The following PAG1 variants were observed in gnomAD, a reference collection of about 807,000 sequenced individuals.
The protein encoded by PAG1 is phosphoprotein membrane anchor with glycosphingolipid microdomains 1.
In PAG1, 23 loss-of-function variants were observed where a neutral mutation model predicts 31.7. That is an observed-to-expected ratio of 0.73 (90% CI 0.52 to 1.03). The LOEUF (loss-of-function observed/expected upper bound fraction) is 1.03. PAG1 is among the 50% of genes least tolerant of loss of function. PAG1 has a pLI of 0.00. For synonymous variants in PAG1, 214 were observed against 210.3 expected, an observed-to-expected ratio of 1.02 and a Z score of -0.15; for missense variants, 473 against 540.7, an observed-to-expected ratio of 0.87 and a Z score of 1.24.
At chr8:80,998,378 T>C (rs1057024938) in intron 3 of PAG1, among the ~76,000 whole-genome samples, 1 of 152,118 alleles carries the variant, frequency 6.6e-6, no homozygotes, top group Non-Finnish European at 1.5e-5. Context: ...TCCACCTGCC[T>C]CGGCCTCCCA....
Position 80,974,090 on chromosome 8 carries a change from G to C in PAG1, c.*2454C>G, listed in dbSNP as rs894065018. On this transcript the variant is annotated 3_prime_UTR_variant, in exon 9 of 9. Transcript: ENST00000220597. ...GCAGAACTAATATTTGAAAACTCTT[G>C]GGGGAAATTTTGGTAACAAAATTGC... is the stretch of plus-strand genomic sequence containing the variant. 5.3e-5 allele frequency: 8 copies of C among 151,436 alleles called. No homozygotes were observed. Among genetic ancestry groups the C allele is most frequent in the Non-Finnish European group, 1.0e-4 (7 of 67,934 alleles). 9.4% of individuals were successfully genotyped at this position (151,436 alleles called of 1,614,324 possible). A position where few individuals can be genotyped will look rare whatever the true frequency, so the allele number is the denominator to read the frequency against.
chr8:81,076,888 T>G (rs773267187), intron 1 of PAG1, among the ~76,000 whole-genome samples: 2 of 152,258 alleles, frequency 1.3e-5, no homozygotes, highest in Non-Finnish European at 2.9e-5. Context: ...AATATACTTT[T>G]GTAAAGCATG....
chr8:81,048,922 C>T (rs928310825), intron 2 of PAG1, among the ~76,000 whole-genome samples: 1 of 152,154 alleles, frequency 6.6e-6, no homozygotes, highest in Non-Finnish European at 1.5e-5. Flanking sequence ...ATTAATACAT[C>T]ATCAATTAAG....
chr8:81,085,972 GTTTTTT>G (rs869177030), intron 1 of PAG1, among the ~76,000 whole-genome samples: 16 of 58,904 alleles, frequency 2.7e-4, no homozygotes, highest in African/African-American at 9.4e-4. Context: ...AATCTGGCTT[GTTTTTT>G]TTTTTTTTTT....
Position 80,991,539 on chromosome 8 carries a change from A to G in PAG1, c.126-9T>C, listed in dbSNP as rs1232674903. The G allele has an allele frequency of 6.2e-7, 1 of 1,609,554 alleles. No individual in the cohort carries two copies. Among genetic ancestry groups the G allele is most frequent in the Admixed American group, 1.7e-5 (1 of 60,024 alleles). On this transcript the variant is annotated splice_polypyrimidine_tract_variant and intron_variant, in intron 4 of 8. Transcript: ENST00000220597. ...GTCGCGGCTTCTTTTCCCTGAAATG[A>G]AAAGTGAAATGTTGTAATGTCAAAT...
At chr8:81,096,470 T>C (rs1809529934) in intron 1 of PAG1, among the ~76,000 whole-genome samples, 1 of 152,222 alleles carries the variant, frequency 6.6e-6, no homozygotes, top group African/African-American at 2.4e-5. Context: ...TACAAAAAGA[T>C]GACAGCTCAA....
At chr8:80,993,536 G>GGCCCA (rs1486930317) in intron 3 of PAG1, among the ~76,000 whole-genome samples, 3 of 151,982 alleles carry the variant, frequency 2.0e-5, no homozygotes, top group South Asian at 2.1e-4. Context: ...ACAGCTGCCT[G>GGCCCA]GCCCAGTGTT....
intron 3 of PAG1, among the ~76,000 whole-genome samples, chr8:81,014,428 T>G (rs1006781007): frequency 6.6e-6 from 1 of 152,254 alleles, no homozygotes; most frequent in African/African-American, 2.4e-5. Context: ...CACTGAAGCC[T>G]TTCCAGAAAG....
chr8:81,005,496 T>A (rs2130623804), intron 3 of PAG1, among the ~76,000 whole-genome samples: 1 of 152,306 alleles, frequency 6.6e-6, no homozygotes, highest in South Asian at 2.1e-4. Context: ...TCAGTCATGC[T>A]CTTTGGAAGA....
chr8:81,052,175 C>A (rs1199966788), intron 2 of PAG1, among the ~76,000 whole-genome samples: 1 of 151,764 alleles, frequency 6.6e-6, no homozygotes, highest in African/African-American at 2.4e-5. Flanking sequence ...TTTTTATATC[C>A]TTAGTCACGT....
At chr8:80,986,048 T>C (rs1807413148) in intron 6 of PAG1, among the ~76,000 whole-genome samples, 1 of 152,164 alleles carries the variant, frequency 6.6e-6, no homozygotes, top group Non-Finnish European at 1.5e-5. Context: ...GTGTTGTGAG[T>C]GCCTGCCATG....
intron 2 of PAG1, among the ~76,000 whole-genome samples, chr8:81,035,413 T>C (rs112098179): frequency 3.9e-5 from 6 of 152,278 alleles, no homozygotes; most frequent in East Asian, 1.9e-4. Context: ...GAATGTGACA[T>C]AGTCATCCTA....
chr8:81,035,681 G>A (rs1407634212), intron 2 of PAG1, among the ~76,000 whole-genome samples: 1 of 152,150 alleles, frequency 6.6e-6, no homozygotes, highest in Non-Finnish European at 1.5e-5. Flanking sequence ...GAGATGTACT[G>A]GGGGCTGGCA....
chr8:81,103,284 C>T (rs746469158), intron 1 of PAG1, among the ~76,000 whole-genome samples: 4 of 151,990 alleles, frequency 2.6e-5, no homozygotes, highest in Non-Finnish European at 4.4e-5. Flanking sequence ...TTTGAGCAGA[C>T]TAATAAAGAA....
At chr8:81,008,095 G>A (rs1371592527) in intron 3 of PAG1, among the ~76,000 whole-genome samples, 2 of 152,086 alleles carry the variant, frequency 1.3e-5, no homozygotes, top group Admixed American at 1.3e-4. Flanking sequence ...AATAATATAA[G>A]CTATGTGGTT....
chr8:80,985,325 C>T lies in PAG1; in HGVS notation c.327G>A (p.Gln109=). 1.9e-6 allele frequency: 3 copies of T among 1,614,158 alleles called. No homozygotes were observed. Among genetic ancestry groups the T allele is most frequent in the Non-Finnish European group, 2.5e-6 (3 of 1,180,014 alleles). Residue 109 remains glutamine (Q), a synonymous_variant, in exon 7 of 9, where the codon CAG becomes CAA. Transcript: ENST00000220597. The stretch of plus-strand genomic sequence containing the variant: ...AATCCAGCAGATCCGAGGCCGATGT[C>T]TGGACTTCCTCGTAATGCTGCATGC... ...LTCMQHYEEV[Q]TSASDLLDSQ... is the part of the protein sequence containing the mutation.
chr8:80,984,798 T>C lies in PAG1; in HGVS notation c.854A>G (p.Asp285Gly). ...EGGEAEESATDTTSETNKRFS... is the reference protein window; with the variant it reads ...EGGEAEESATGTTSETNKRFS... ...CACCTTGTTAGTTTCACTGGTCGTG[T>C]CTGTGGCACTCTCTTCCGCCTCTCC... is the stretch of plus-strand genomic sequence containing the variant. Residue 285 changes from aspartate to glycine, a missense_variant, in exon 7 of 9, where the codon GAC becomes GGC. Transcript: ENST00000220597. 1.2e-6 allele frequency: 2 copies of C among 1,613,878 alleles called. No individual in the cohort carries two copies. Among genetic ancestry groups the C allele is most frequent in the Non-Finnish European group, 1.7e-6 (2 of 1,179,870 alleles).
intron 1 of PAG1, among the ~76,000 whole-genome samples, chr8:81,085,096 G>A (rs1563424998): frequency 6.6e-6 from 1 of 152,080 alleles, no homozygotes; most frequent in Non-Finnish European, 1.5e-5. Context: ...ATGGTTGTTG[G>A]GCCTTTACTT....
In PAG1 at chr8:80,976,245, C is replaced by A; in HGVS notation, c.*299G>T. On this transcript the variant is annotated 3_prime_UTR_variant, in exon 9 of 9. Coordinates refer to ENST00000220597, the MANE Select transcript of PAG1 (RefSeq NM_018440.4). ...TTTCCATACAGCTTGGCTTTCCTCA[C>A]TAATGAGATGAGACCACTGACAGCT... is the stretch of plus-strand genomic sequence containing the variant. 1 of 308,822 alleles carries A rather than the reference C, an allele frequency of 3.2e-6. No homozygotes were observed. The allele number at this position is 308,822 out of a possible 1,614,324, so 19.1% of individuals were successfully genotyped here.
Sources: allele counts gnomAD v4.1 joint callset (sites outside exome capture counted in the v4.1 genomes callset), GRCh38; gene constraint gnomAD v4.1.1; transcripts MANE v1.5; gene names NCBI Gene and HGNC (gene_info 2026-07-23, HGNC 2026-07-21).